Variants in ALX3 observed in about 807,000 individuals in gnomAD.
The protein encoded by ALX3 is homeobox protein aristaless-like 3.
Under a neutral mutation model 26.3 loss-of-function variants are expected in ALX3, and 17 were observed. That is an observed-to-expected ratio of 0.65 (90% CI 0.44 to 0.97). The LOEUF is 0.97. Among genes scored for constraint, ALX3 ranks in the 50% least tolerant of loss-of-function variants. The probability of loss-of-function intolerance (pLI) is 0.00; values close to 1 mark genes in which losing one functional copy is unlikely to be tolerated. For missense variants in ALX3, 461 were observed against 466.5 expected (o/e 0.99, Z 0.11); for synonymous variants, 208 against 201.4 (o/e 1.03, Z -0.28).
Position 110,060,549 on chromosome 1 carries a change from C to T in ALX3, c.*184G>A. 1 of 429,036 alleles carries T rather than the reference C, an allele frequency of 2.3e-6. No individual in the cohort carries two copies. The highest frequency in any genetic ancestry group is 4.8e-5 in the East Asian group (1 of 20,624). The allele number at this position is 429,036 out of a possible 1,614,324, so 26.6% of individuals were successfully genotyped here. On this transcript the variant is annotated 3_prime_UTR_variant, in exon 4 of 4. Transcript: ENST00000647563. ...TCCTGGCTGCTTCGAAGCCCCTTCTCCTAGGCAGCCCCACCTTGTTCTAAG... is the reference window on the plus strand; with the variant it reads ...TCCTGGCTGCTTCGAAGCCCCTTCTTCTAGGCAGCCCCACCTTGTTCTAAG...
In ALX3 at chr1:110,060,743, C is replaced by T. The variant is rs201913545; in HGVS notation, c.1022G>A (p.Trp341Ter). The change falls in exon 4 of 4, where the codon TGG becomes TAG. Residue 341 changes from tryptophan (W) to a stop codon, truncating the protein, a stop_gained. Transcript: ENST00000647563. LOFTEE classifies it high-confidence loss of function. ...GGTCCATGCAACCGATCACGTGGTC[C>T]AGTTCAGAAGGCCGGGTGGCTCCTT... is the stretch of plus-strand genomic sequence containing the variant. ...KPKEPPGLLN[W>*]TT 6.7e-7 allele frequency: 1 copy of T among 1,491,108 alleles called. No individual in the cohort carries two copies. Among genetic ancestry groups the T allele is most frequent in the East Asian group, 2.6e-5 (1 of 38,676 alleles). The allele number at this position is 1,491,108 out of a possible 1,614,324, so 92.4% of individuals were successfully genotyped here. A position where few individuals can be genotyped will look rare whatever the true frequency, so the allele number is the denominator to read the frequency against.
At chr1:110,068,508 G>T (rs546925706) in intron 1 of ALX3, among the ~76,000 whole-genome samples, 1 of 152,320 alleles carries the variant, frequency 6.6e-6, no homozygotes, top group Admixed American at 6.5e-5. Context: ...CCTCCCTTTC[G>T]TTTGGCCTGT....
intron 1 of ALX3, among the ~76,000 whole-genome samples, chr1:110,066,765 C>T (rs1029274826): frequency 6.6e-6 from 1 of 152,158 alleles, no homozygotes; most frequent in African/African-American, 2.4e-5. Context: ...GACATCCTGG[C>T]AGAGGCCCTC....
chr1:110,065,921 G>A (rs921617248), intron 1 of ALX3, among the ~76,000 whole-genome samples: 3 of 152,236 alleles, frequency 2.0e-5, no homozygotes, highest in African/African-American at 7.2e-5. Context: ...GACCCCCAGC[G>A]GTGTCCCCAT....
chr1:110,070,171 G>A (rs1014622390), intron 1 of ALX3, among the ~76,000 whole-genome samples, 165 bp downstream of exon 1: 5 of 152,150 alleles, frequency 3.3e-5, no homozygotes, highest in African/African-American at 1.2e-4. Context: ...CCTGGCCCGG[G>A]CCAGCGCCAA....
intron 2 of ALX3, among the ~76,000 whole-genome samples, chr1:110,063,920 T>TC (rs924999899): frequency 1.3e-5 from 2 of 151,524 alleles, no homozygotes; most frequent in South Asian, 2.1e-4. Flanking sequence ...CAGGCTGGGC[T>TC]CCCCCCATGT....
chr1:110,061,490 G>A lies in ALX3; in HGVS notation c.668C>T (p.Pro223Leu). Residue 223 changes from proline (P) to leucine (L), a missense_variant, in exon 3 of 4, where the codon CCC (proline) becomes CTC (leucine). Transcript: ENST00000647563. ...AGAGATGTCATAGGCAGCCGTGAAG[G>A]GGTTCCGCCCCTCCTGGATCTTCCC... ...RYGKIQEGRN[P>L]FTAAYDISVL... 6.2e-7 allele frequency: 1 copy of A among 1,614,208 alleles called. No individual in the cohort carries two copies. The highest frequency in any genetic ancestry group is 2.2e-5 in the East Asian group (1 of 44,872).
At chr1:110,066,774 T>C (rs1259840314) in intron 1 of ALX3, among the ~76,000 whole-genome samples, 4 of 152,058 alleles carry the variant, frequency 2.6e-5, no homozygotes, top group Non-Finnish European at 5.9e-5. Flanking sequence ...GCAGAGGCCC[T>C]CCAAAGCCCT....
At chr1:110,061,850 G>A (rs1344020763) in intron 2 of ALX3, 3 of 486,342 alleles carry the variant, frequency 6.2e-6, no homozygotes, top group African/African-American at 5.8e-5. Context: ...TAAGGGTGTT[G>A]TGGGGGCATC....
In ALX3 at chr1:110,061,516, A is replaced by G. The variant is rs1570936416; in HGVS notation, c.642T>C (p.Tyr214=). ...RRAKWRKRER[Y]GKIQEGRNPF... ...GGTTCCGCCCCTCCTGGATCTTCCC[A>G]TAACGCTCGCGCTTCCGCCACTTGG... The change falls in exon 3 of 4, where the codon TAT becomes TAC. Residue 214 remains tyrosine (Y), a synonymous_variant. Transcript: ENST00000647563. The G allele has an allele frequency of 1.2e-6, 2 of 1,614,196 alleles. No homozygotes were observed. The highest frequency in any genetic ancestry group is 2.2e-5 in the South Asian group (2 of 91,080).
chr1:110,069,215 G>C (rs1020842628), intron 1 of ALX3, among the ~76,000 whole-genome samples: 4 of 152,334 alleles, frequency 2.6e-5, no homozygotes, highest in African/African-American at 9.6e-5. Flanking sequence ...CATTTCCTCC[G>C]TTGACCCACA....
rs1363641231 is a variant in ALX3 at position 110,066,023 on chromosome 1, C to A, written c.278-1120G>T. Among the ~76,000 whole-genome samples, 3 of 152,250 alleles carry A rather than the reference C, an allele frequency of 2.0e-5. No homozygotes were observed. The East Asian group carries it at 5.8e-4, about 29-fold the overall frequency. On this transcript the variant is annotated intron_variant, in intron 1 of 3. Coordinates refer to ENST00000647563, the MANE Select transcript of ALX3 (RefSeq NM_006492.3). Reference sequence around the variant, plus strand: ...CACAGCCTCTTGCCTGGCTCTGGGCCCATCTCCAGTGGAGGCCTGGCCCTG... The same window carrying A: ...CACAGCCTCTTGCCTGGCTCTGGGCACATCTCCAGTGGAGGCCTGGCCCTG...
chr1:110,061,693 G>C (rs1273226870), intron 2 of ALX3, 130 bp from the exon 3 acceptor site: 1 of 1,378,486 alleles, frequency 7.3e-7, no homozygotes, highest in East Asian at 2.3e-5. Flanking sequence ...GATCTCAACT[G>C]TTAATCCACA....
At chr1:110,065,796 G>A (rs1316560249) in intron 1 of ALX3, among the ~76,000 whole-genome samples, 2 of 152,224 alleles carry the variant, frequency 1.3e-5, no homozygotes, top group African/African-American at 4.8e-5. Context: ...GCCCCACTCT[G>A]ACATGCTAAC....
chr1:110,067,138 C>G (rs1414685808), intron 1 of ALX3, among the ~76,000 whole-genome samples: 1 of 152,136 alleles, frequency 6.6e-6, no homozygotes, highest in Non-Finnish European at 1.5e-5. Flanking sequence ...AGAGCAGCCT[C>G]CTGAGGAGCA....
intron 1 of ALX3, among the ~76,000 whole-genome samples, chr1:110,069,346 G>T (rs529933539): frequency 9.8e-5 from 15 of 152,348 alleles, no homozygotes; most frequent in African/African-American, 3.1e-4. Flanking sequence ...GGGTTGAGGC[G>T]GATCTTGGAG....
intron 3 of ALX3, 112 bp downstream of exon 3, chr1:110,061,323 T>C: frequency 1.3e-6 from 2 of 1,497,892 alleles, no homozygotes; most frequent in Non-Finnish European, 1.8e-6. Context: ...AGTGAAGTGG[T>C]GTACCCACTG....
rs139794205 is a variant in ALX3 at position 110,064,796 on chromosome 1, G to C, written c.385C>G (p.Leu129Val). Reference sequence around the variant, plus strand: ...GAAAGAGGAAGATGCAGGCTGGCCAGGCAGGGGCCTGGGGAGCCTTGCAAG... The same window carrying C: ...GAAAGAGGAAGATGCAGGCTGGCCACGCAGGGGCCTGGGGAGCCTTGCAAG... ...SNLQGSPGPC[L>V]ASLHLPLSPG... Residue 129 changes from leucine to valine, a missense_variant, in exon 2 of 4, where the codon CTG (leucine) becomes GTG (valine). Physicochemically the swap from Leu to Val is conservative, Grantham distance 32. Transcript: ENST00000647563. 1 of 1,614,142 alleles carries C rather than the reference G, an allele frequency of 6.2e-7. No homozygotes were observed. The highest frequency in any genetic ancestry group is 8.5e-7 in the Non-Finnish European group (1 of 1,180,046).
intron 1 of ALX3, among the ~76,000 whole-genome samples, chr1:110,065,341 G>A (rs934340028): frequency 6.6e-6 from 1 of 152,324 alleles, no homozygotes; most frequent in Middle Eastern, 3.4e-3. Context: ...TGCAGGCCTT[G>A]GTTCCCAGGC....
Sources: gnomAD v4.1 joint callset for allele counts (sites outside exome capture counted in the v4.1 genomes callset) on GRCh38, gnomAD v4.1.1 for gene constraint, MANE v1.5 for transcripts, NCBI Gene and HGNC (gene_info 2026-07-23, HGNC 2026-07-21) for gene names.